Variants in GPR158 observed in about 807,000 individuals in gnomAD.
GPR158 encodes metabotropic glycine receptor.
In GPR158, 30 loss-of-function variants were observed where a neutral mutation model predicts 78.2. That is an observed-to-expected ratio of 0.38 (90% CI 0.29 to 0.52). The LOEUF (loss-of-function observed/expected upper bound fraction) is 0.52, where lower values mean the gene tolerates loss of function less well. Ranked by LOEUF, GPR158 falls within the 20% of genes least tolerant of loss-of-function variation. GPR158 has a pLI of 0.83. For missense variants in GPR158, 1,463 were observed against 1,523.5 expected, an observed-to-expected ratio of 0.96 and a Z score of 0.66; for synonymous variants, 581 against 591.1, an observed-to-expected ratio of 0.98 and a Z score of 0.25.
intron 2 of GPR158, among the ~76,000 whole-genome samples, chr10:25,273,400 C>CTTTTT (rs36068886): frequency 9.0e-5 from 11 of 122,044 alleles, no homozygotes; most frequent in African/African-American, 3.0e-4. Flanking sequence ...ACATTGGCAT[C>CTTTTT]TTTTTTTTTT....
chr10:25,251,830 C>G (rs961065247), intron 2 of GPR158, among the ~76,000 whole-genome samples: 20 of 150,286 alleles, frequency 1.3e-4, no homozygotes, highest in East Asian at 7.9e-4. Context: ...TTGTGGCGTT[C>G]TCTGTATTTC....
Position 25,317,725 on chromosome 10 carries a change from TG to T in GPR158, c.1009-78185del, listed in dbSNP as rs200157104. ...GTTTTCTTCGTAAAGTGTTTTTTTTTGTTTTGTTTTGTTTTGTTTTTGAGAC... is the reference window on the plus strand; with the variant it reads ...GTTTTCTTCGTAAAGTGTTTTTTTTTTTTTGTTTTGTTTTGTTTTTGAGAC... On this transcript the variant is annotated intron_variant, in intron 2 of 10. Coordinates refer to ENST00000376351, the MANE Select transcript of GPR158 (RefSeq NM_020752.3). Among the ~76,000 whole-genome samples the T allele has an allele frequency of 4.9e-3, 672 of 136,124 alleles. 41 individuals carry two copies. Among genetic ancestry groups the T allele is most frequent in the African/African-American group, 0.016 (476 of 30,274 alleles). 89.3% of individuals were successfully genotyped at this position (136,124 alleles called of 152,430 possible).
At chr10:25,468,015 A>T (rs1835449066) in intron 5 of GPR158, among the ~76,000 whole-genome samples, 1 of 152,040 alleles carries the variant, frequency 6.6e-6, no homozygotes, top group Non-Finnish European at 1.5e-5. Context: ...ATTGCTCCGT[A>T]CCACCATCCC....
chr10:25,429,034 T>C (rs1834860043), intron 4 of GPR158, among the ~76,000 whole-genome samples: 1 of 152,030 alleles, frequency 6.6e-6, no homozygotes, highest in Non-Finnish European at 1.5e-5. Flanking sequence ...AACTGTTCTG[T>C]TTAGGGATAG....
At chr10:25,448,312 G>A (rs533822372) in intron 4 of GPR158, among the ~76,000 whole-genome samples, 7 of 151,650 alleles carry the variant, frequency 4.6e-5, no homozygotes, top group Non-Finnish European at 8.8e-5. Context: ...GGATGGTCTC[G>A]ATCTTCTGAC....
At chr10:25,480,986 C>T (rs776733873) in intron 5 of GPR158, among the ~76,000 whole-genome samples, 2 of 152,148 alleles carry the variant, frequency 1.3e-5, no homozygotes, top group Non-Finnish European at 2.9e-5. Flanking sequence ...TCCAGAAGAA[C>T]CTCAATCGGG....
At chr10:25,572,968 A>G in intron 7 of GPR158, 81 bp downstream of exon 7, 2 of 847,046 alleles carry the variant, frequency 2.4e-6, no homozygotes, top group Non-Finnish European at 2.0e-6. Context: ...GTCTTGCCAG[A>G]CTCTTTAGTA....
At chr10:25,462,022 G>A (rs774994842) in intron 4 of GPR158, among the ~76,000 whole-genome samples, 1 of 152,034 alleles carries the variant, frequency 6.6e-6, no homozygotes, top group African/African-American at 2.4e-5. Context: ...TTACAGACAT[G>A]AGCCACCACG....
chr10:25,572,917 C>G, intron 7 of GPR158, 30 bp downstream of exon 7: 1 of 1,265,646 alleles, frequency 7.9e-7, no homozygotes, highest in Non-Finnish European at 1.2e-6. Context: ...GTATGATGGT[C>G]TTACCATTTT....
chr10:25,356,443 T>C (rs71495433), intron 2 of GPR158, among the ~76,000 whole-genome samples: 15,134 of 152,064 alleles, frequency 0.1, 1,864 homozygotes, highest in African/African-American at 0.3. Context: ...GATATGGTTT[T>C]GCTCTGTGTC....
chr10:25,413,562 C>G (rs1425698847), intron 4 of GPR158, among the ~76,000 whole-genome samples: 1 of 152,122 alleles, frequency 6.6e-6, no homozygotes, highest in Non-Finnish European at 1.5e-5. Context: ...TTTCCAAATT[C>G]AAATGATCTC....
At chr10:25,347,751 A>G (rs1175956960) in intron 2 of GPR158, among the ~76,000 whole-genome samples, 1 of 152,024 alleles carries the variant, frequency 6.6e-6, no homozygotes, top group Non-Finnish European at 1.5e-5. Flanking sequence ...AGCATTTTGA[A>G]CTTTTCAGAA....
chr10:25,241,284 C>CCT (rs1195195853), intron 2 of GPR158, among the ~76,000 whole-genome samples: 1 of 109,008 alleles, frequency 9.2e-6, no homozygotes, highest in Non-Finnish European at 1.7e-5. Context: ...TTCTTTCTTT[C>CCT]TTTTCTTTTC....
chr10:25,367,880 T>C (rs942170001), intron 2 of GPR158, among the ~76,000 whole-genome samples: 3 of 151,832 alleles, frequency 2.0e-5, no homozygotes, highest in Non-Finnish European at 4.4e-5. Context: ...GGGAATGCTC[T>C]TTGGATATAT....
chr10:25,404,046 TATG>T (rs1408927320), intron 3 of GPR158, among the ~76,000 whole-genome samples: 2 of 152,108 alleles, frequency 1.3e-5, no homozygotes, highest in Admixed American at 6.6e-5. Flanking sequence ...GTAGTAGTAG[TATG>T]ATTTCTACTA....
intron 4 of GPR158, among the ~76,000 whole-genome samples, chr10:25,421,039 A>C (rs1201133476): frequency 6.6e-6 from 1 of 152,134 alleles, no homozygotes; most frequent in African/African-American, 2.4e-5. Context: ...TAATCTGTAG[A>C]TTGCTTTGGG....
chr10:25,370,369 C>G (rs950011288), intron 2 of GPR158, among the ~76,000 whole-genome samples: 1 of 133,192 alleles, frequency 7.5e-6, no homozygotes, highest in Non-Finnish European at 1.6e-5. Flanking sequence ...TATGTTGTGT[C>G]TTTGTTCTCG....
intron 5 of GPR158, among the ~76,000 whole-genome samples, chr10:25,546,703 A>T (rs1335200): frequency 6.6e-6 from 1 of 151,980 alleles, no homozygotes; most frequent in Non-Finnish European, 1.5e-5. Flanking sequence ...GAGAAAACCC[A>T]TGGTTGTCAC....
At chr10:25,309,111 G>A (rs1021746434) in intron 2 of GPR158, among the ~76,000 whole-genome samples, 3 of 152,040 alleles carry the variant, frequency 2.0e-5, no homozygotes, top group African/African-American at 7.2e-5. Flanking sequence ...CCTATTTTTA[G>A]GCTTTTGAGG....
Sources: allele counts gnomAD v4.1 joint callset (sites outside exome capture counted in the v4.1 genomes callset), GRCh38; gene constraint gnomAD v4.1.1; transcripts MANE v1.5; gene names NCBI Gene and HGNC (gene_info 2026-07-23, HGNC 2026-07-21).